Variants in B3GALT9 observed in about 807,000 individuals in gnomAD.
B3GALT9 encodes beta-1,3-galactosyltransferase 9.
In B3GALT9 at chr9:120,801,248, G is replaced by A. The variant is rs1418640653; in HGVS notation, c.*1570G>A. 2.0e-5 allele frequency among the ~76,000 whole-genome samples: 3 copies of A among 152,172 alleles called. No individual in the cohort carries two copies. The highest frequency in any genetic ancestry group is 6.5e-5 in the Admixed American group (1 of 15,284). ...TCCAGTAGCGGAATTGCTAGATTGT[G>A]TGGCAGTTCTATTTTTAATTTTGTG... On this transcript the variant is annotated 3_prime_UTR_variant, in exon 3 of 3. Transcript: ENST00000689072.
intron 1 of B3GALT9, among the ~76,000 whole-genome samples, chr9:120,795,259 A>G (rs2044930880): frequency 6.6e-6 from 1 of 152,188 alleles, no homozygotes; most frequent in Admixed American, 6.5e-5. Context: ...GTAATCAAGA[A>G]AATCAAGCAC....
intron 2 of B3GALT9, among the ~76,000 whole-genome samples, chr9:120,797,972 A>T (rs1005215271): frequency 3.3e-5 from 5 of 152,230 alleles, no homozygotes; most frequent in African/African-American, 1.2e-4. Flanking sequence ...TGGAAATGTC[A>T]GATAGATTAG....
At chr9:120,794,506 TTGTGTGTGTGTGTGTGTGTGTGTGTG>T (rs10589412) in intron 1 of B3GALT9, among the ~76,000 whole-genome samples, 3 of 142,172 alleles carry the variant, frequency 2.1e-5, no homozygotes, top group African/African-American at 8.0e-5. Context: ...GCCCAGCTAG[TTGTGTGTGTGTGTGTGTGTGTGTGTG>T]TGTGTGTGTG....
chr9:120,795,715 G>A (rs746353035), intron 1 of B3GALT9, among the ~76,000 whole-genome samples: 2 of 152,188 alleles, frequency 1.3e-5, no homozygotes, highest in Non-Finnish European at 2.9e-5. Flanking sequence ...AGGAAAGGAC[G>A]AAATATAGCC....
intron 1 of B3GALT9, among the ~76,000 whole-genome samples, chr9:120,795,993 C>T (rs903021605): frequency 6.6e-6 from 1 of 152,136 alleles, no homozygotes; most frequent in African/African-American, 2.4e-5. Flanking sequence ...TAGTAAAGTG[C>T]TTGCATAGCC....
At chr9:120,796,271 A>C (rs976648724) in intron 1 of B3GALT9, among the ~76,000 whole-genome samples, 152 bp from the exon 2 acceptor site, 5 of 152,212 alleles carry the variant, frequency 3.3e-5, no homozygotes, top group African/African-American at 1.2e-4. Context: ...TTGAACTTCC[A>C]CACACACTTT....
intron 1 of B3GALT9, among the ~76,000 whole-genome samples, chr9:120,795,564 C>T (rs922969858): frequency 6.6e-5 from 10 of 152,042 alleles, no homozygotes; most frequent in Admixed American, 3.3e-4. Context: ...AGATTTTTCC[C>T]ACTTTGTAAA....
intron 2 of B3GALT9, among the ~76,000 whole-genome samples, chr9:120,797,058 A>C (rs1270490738): frequency 2.7e-5 from 4 of 149,680 alleles, no homozygotes; most frequent in African/African-American, 9.9e-5. Flanking sequence ...CTCTGTCTCA[A>C]AAATAAAGAG....
In B3GALT9 at chr9:120,801,209, CT is replaced by C. The variant is rs2044967557; in HGVS notation, c.*1535del. ...TCTCTTTAACATACTGATTTAATAT[CT>C]TTTGGATATATTTCCAGTAGCGGAA... On this transcript the variant is annotated 3_prime_UTR_variant, in exon 3 of 3. Transcript: ENST00000689072. Among the ~76,000 whole-genome samples the C allele has an allele frequency of 6.6e-6, 1 of 152,080 alleles. No individual in the cohort carries two copies. Among genetic ancestry groups the C allele is most frequent in the Non-Finnish European group, 1.5e-5 (1 of 68,026 alleles).
chr9:120,795,834 T>C (rs1260482503), intron 1 of B3GALT9, among the ~76,000 whole-genome samples: 1 of 152,232 alleles, frequency 6.6e-6, no homozygotes, highest in Non-Finnish European at 1.5e-5. Context: ...AAATGATGTT[T>C]GGGATAATTC....
intron 2 of B3GALT9, among the ~76,000 whole-genome samples, chr9:120,797,809 A>G (rs985317745): frequency 1.3e-5 from 2 of 152,218 alleles, no homozygotes; most frequent in Non-Finnish European, 2.9e-5. Context: ...AATTCATTTA[A>G]TGTTCCCTGG....
rs901849287 is a variant in B3GALT9, at chr9:120,800,173, A to G, written c.*495A>G. On this transcript the variant is annotated 3_prime_UTR_variant, in exon 3 of 3. Transcript: ENST00000689072. Reference sequence around the variant, plus strand: ...TGCTCTGTCGCCCAGGCTGGAGTGCAATGGCACCATCTCTGTTCACTGCAA... The same window carrying G: ...TGCTCTGTCGCCCAGGCTGGAGTGCGATGGCACCATCTCTGTTCACTGCAA... Among the ~76,000 whole-genome samples, 1 of 150,590 alleles carries G rather than the reference A, an allele frequency of 6.6e-6. No individual in the cohort carries two copies. Among genetic ancestry groups the G allele is most frequent in the Admixed American group, 6.6e-5 (1 of 15,070 alleles).
In B3GALT9 at chr9:120,799,425, T is replaced by C; in HGVS notation, c.857T>C (p.Ile286Thr). The change falls in exon 3 of 3, where the codon ATC becomes ACC. Residue 286 changes from isoleucine (I) to threonine (T), a missense_variant. By Grantham distance (89) the Ile-to-Thr change is moderately conservative (BLOSUM62 -1). Coordinates refer to ENST00000689072, the MANE Select transcript of B3GALT9 (RefSeq NM_001386823.1). Reference sequence around the variant, plus strand: ...GCTAAGTTCATTGGCCTTATACCCATCCACAGCTCAAGGTTTTCTGGGAAA... The same window carrying C: ...GCTAAGTTCATTGGCCTTATACCCACCCACAGCTCAAGGTTTTCTGGGAAA... The part of the protein sequence containing the change: ...ICAKFIGLIP[I>T]HSSRFSGKRH... 2.5e-6 allele frequency: 1 copy of C among 399,246 alleles called. No homozygotes were observed. 24.7% of individuals were successfully genotyped at this position (399,246 alleles called of 1,614,324 possible).
Position 120,793,833 on chromosome 9 carries a change from C to T in B3GALT9, c.-271C>T. 5.1e-6 allele frequency: 2 copies of T among 392,588 alleles called. No homozygotes were observed. Among genetic ancestry groups the T allele is most frequent in the Non-Finnish European group, 9.0e-6 (2 of 222,886 alleles). The allele number at this position is 392,588 out of a possible 1,614,324, so 24.3% of individuals were successfully genotyped here. A position where few individuals can be genotyped will look rare whatever the true frequency, so the allele number is the denominator to read the frequency against. ...GGATAGGGTTAGTGAACAAAAAACG[C>T]AAAAGCCCCTGACCGCCTGGGCCTT... is the stretch of plus-strand genomic sequence containing the variant. On this transcript the variant is annotated 5_prime_UTR_variant, in exon 1 of 3. Coordinates refer to ENST00000689072, the MANE Select transcript of B3GALT9 (RefSeq NM_001386823.1).
intron 1 of B3GALT9, among the ~76,000 whole-genome samples, chr9:120,794,196 A>C (rs1210693578): frequency 6.6e-6 from 1 of 152,208 alleles, no homozygotes; most frequent in Admixed American, 6.5e-5. Context: ...TTCCCACAAC[A>C]ACCCCACAAG....
chr9:120,797,087 A>G (rs574895499), intron 2 of B3GALT9, among the ~76,000 whole-genome samples: 3 of 135,966 alleles, frequency 2.2e-5, no homozygotes, highest in African/African-American at 8.0e-5. Context: ...AGAGCAAGGA[A>G]GAAGGGAGGG....
chr9:120,801,090 T>G lies in B3GALT9; in HGVS notation c.*1412T>G, dbSNP rs1297127145. The stretch of plus-strand genomic sequence containing the variant: ...TGAATAGCATTTTATTGTGGATATA[T>G]ACCACATTTTCTTTATTCATGCACT... On this transcript the variant is annotated 3_prime_UTR_variant, in exon 3 of 3. Transcript: ENST00000689072. Among the ~76,000 whole-genome samples the G allele has an allele frequency of 6.6e-6, 1 of 152,256 alleles. No homozygotes were observed. Among genetic ancestry groups the G allele is most frequent in the Non-Finnish European group, 1.5e-5 (1 of 68,040 alleles).
chr9:120,796,447 C>T lies in B3GALT9; in HGVS notation c.-157C>T, dbSNP rs1382472200. ...GTCAGCAGGTATTCTAGGATAAAAG[C>T]TCAGGTTGATTGGCAAGAAACCTTA... On this transcript the variant is annotated 5_prime_UTR_variant, in exon 2 of 3. Coordinates refer to ENST00000689072, the MANE Select transcript of B3GALT9 (RefSeq NM_001386823.1). 1 of 152,176 alleles carries T rather than the reference C, an allele frequency of 6.6e-6. No individual in the cohort carries two copies. The highest frequency in any genetic ancestry group is 6.5e-5 in the Admixed American group (1 of 15,274). 9.4% of individuals were successfully genotyped at this position (152,176 alleles called of 1,614,324 possible).
rs1588059809 is a variant in B3GALT9, at chr9:120,799,607, A to G, written c.1039A>G (p.Thr347Ala). 2.5e-6 allele frequency: 1 copy of G among 399,646 alleles called. No homozygotes were observed. The highest frequency in any genetic ancestry group is 6.3e-4 in the Middle Eastern group (1 of 1,594). 24.8% of individuals were successfully genotyped at this position (399,646 alleles called of 1,614,324 possible). Residue 347 changes from threonine (T) to alanine (A), a missense_variant, in exon 3 of 3, where the codon ACG becomes GCG. Physicochemically the swap from Thr to Ala is moderately conservative, Grantham distance 58. Coordinates refer to ENST00000689072, the MANE Select transcript of B3GALT9 (RefSeq NM_001386823.1). The stretch of plus-strand genomic sequence containing the variant: ...TGAGCTCATTTCCTGCAAACTTCTG[A>G]CGTACCTTGACAGCTTTAAACGTTT... ...SYELISCKLLTYLDSFKRFHM... is the reference protein window; with the variant it reads ...SYELISCKLLAYLDSFKRFHM...
Sources: allele counts gnomAD v4.1 joint callset (sites outside exome capture counted in the v4.1 genomes callset), GRCh38; gene constraint gnomAD v4.1.1; transcripts MANE v1.5; gene names NCBI Gene and HGNC (gene_info 2026-07-23, HGNC 2026-07-21).